Variants in IPO5 observed in about 807,000 individuals in gnomAD.
The protein encoded by IPO5 is importin 5.
In IPO5, 18 loss-of-function variants were observed where a neutral mutation model predicts 143.3. The observed-to-expected ratio is 0.13, with a 90% confidence interval of 0.09 to 0.19. The LOEUF (loss-of-function observed/expected upper bound fraction) is 0.19. Among genes scored for constraint, IPO5 ranks in the 10% least tolerant of loss-of-function variants. The pLI, the probability that IPO5 is intolerant of heterozygous loss-of-function variation, is 1.00. For synonymous variants in IPO5, 477 were observed against 465.7 expected, an observed-to-expected ratio of 1.02 and a Z score of -0.31; for missense variants, 1,013 against 1,336.9, an observed-to-expected ratio of 0.76 and a Z score of 3.78.
At chr13:97,993,541 A>G (rs1316071626) in intron 11 of IPO5, among the ~76,000 whole-genome samples, 1 of 152,230 alleles carries the variant, frequency 6.6e-6, no homozygotes, top group Non-Finnish European at 1.5e-5. Flanking sequence ...GCGGGGATAT[A>G]TAGATGCACA....
intron 2 of IPO5, among the ~76,000 whole-genome samples, chr13:97,956,505 G>A (rs1884474091): frequency 6.6e-6 from 1 of 152,088 alleles, no homozygotes; most frequent in African/African-American, 2.4e-5. Context: ...TCACCCTTAG[G>A]AAGGTCTTCC....
chr13:97,971,628 A>G (rs1037671421), intron 3 of IPO5, among the ~76,000 whole-genome samples: 3 of 152,158 alleles, frequency 2.0e-5, no homozygotes, highest in African/African-American at 7.2e-5. Flanking sequence ...GCACATGACT[A>G]TGCATCAGCT....
intron 22 of IPO5, among the ~76,000 whole-genome samples, 176 bp downstream of exon 22, chr13:98,014,390 G>C (rs953642916): frequency 1.3e-5 from 2 of 152,078 alleles, no homozygotes; most frequent in African/African-American, 4.8e-5. Context: ...CAATTCTCAT[G>C]CCTCATCCTT....
chr13:97,985,802 C>T (rs1050199662), intron 6 of IPO5, among the ~76,000 whole-genome samples, 189 bp downstream of exon 6: 5 of 151,978 alleles, frequency 3.3e-5, no homozygotes, highest in African/African-American at 1.2e-4. Flanking sequence ...GAAATCCAGT[C>T]ATAGGACTCA....
chr13:98,008,877 A>G lies in IPO5; in HGVS notation c.1800+735A>G, dbSNP rs565776104. Reference sequence around the variant, plus strand: ...AATTGTTGAATTAAATTTTGACTTTACATTGCCACACTGTAATAGTTTAAA... The same window carrying G: ...AATTGTTGAATTAAATTTTGACTTTGCATTGCCACACTGTAATAGTTTAAA... On this transcript the variant is annotated intron_variant, in intron 18 of 28. Coordinates refer to ENST00000651721, the MANE Select transcript of IPO5 (RefSeq NM_002271.6). Among the ~76,000 whole-genome samples the G allele has an allele frequency of 2.0e-5, 3 of 152,354 alleles. No homozygotes were observed. In the South Asian group the frequency reaches 6.2e-4, roughly 32 times the overall value.
chr13:98,017,256 A>G (rs1566570926), intron 25 of IPO5, among the ~76,000 whole-genome samples: 5 of 151,568 alleles, frequency 3.3e-5, no homozygotes, highest in Middle Eastern at 3.4e-3. Context: ...ATATATATAT[A>G]TGTATTTTTT....
intron 12 of IPO5, among the ~76,000 whole-genome samples, chr13:97,999,167 T>G (rs1888549198): frequency 6.6e-6 from 1 of 152,144 alleles, no homozygotes; most frequent in African/African-American, 2.4e-5. Context: ...GCTGAAATTA[T>G]TCTCCTGAAA....
intron 17 of IPO5, 120 bp downstream of exon 17, chr13:98,006,468 A>C: frequency 1.7e-6 from 1 of 591,526 alleles, no homozygotes; most frequent in Middle Eastern, 5.0e-4. Context: ...TCTGCCTCCC[A>C]GGTTCATGCC....
intron 2 of IPO5, among the ~76,000 whole-genome samples, chr13:97,961,109 G>T (rs1884845669): frequency 6.6e-6 from 1 of 152,132 alleles, no homozygotes; most frequent in Admixed American, 6.5e-5. Flanking sequence ...TTTCCTTCAG[G>T]CAGTCTAATG....
At chr13:98,017,530 C>T (rs1282153622) in intron 25 of IPO5, among the ~76,000 whole-genome samples, 1 of 151,966 alleles carries the variant, frequency 6.6e-6, no homozygotes, top group African/African-American at 2.4e-5. Flanking sequence ...CAACTCCTGA[C>T]CTAGTGATCC....
intron 25 of IPO5, 116 bp downstream of exon 25, chr13:98,016,967 T>C (rs1469741566): frequency 1.4e-6 from 1 of 733,718 alleles, no homozygotes; most frequent in Non-Finnish European, 2.1e-6. Flanking sequence ...TTGTTTCCAT[T>C]GTACATCTTT....
rs555086456 is a variant in IPO5, at chr13:98,006,871, T to G, written c.1716+523T>G. ...GTTTGTTTGTTTGGTTTGGTGTTTT[T>G]TTTTTTTTTTTTGAGACCAAGTCTC... is the stretch of plus-strand genomic sequence containing the variant. On this transcript the variant is annotated intron_variant, in intron 17 of 28. Coordinates refer to ENST00000651721, the MANE Select transcript of IPO5 (RefSeq NM_002271.6). Among the ~76,000 whole-genome samples, 24 of 149,290 alleles carry G rather than the reference T, an allele frequency of 1.6e-4. No homozygotes were observed. In the East Asian group the frequency reaches 2.8e-3, roughly 17 times the overall value.
At chr13:98,020,208 C>T (rs1296477730) in intron 27 of IPO5, among the ~76,000 whole-genome samples, 1 of 152,166 alleles carries the variant, frequency 6.6e-6, no homozygotes, top group African/African-American at 2.4e-5. Context: ...CAAACCCAGC[C>T]TAAGGGAATG....
chr13:98,019,037 C>T (rs1201149849), intron 26 of IPO5, among the ~76,000 whole-genome samples: 1 of 151,890 alleles, frequency 6.6e-6, no homozygotes, highest in Non-Finnish European at 1.5e-5. Context: ...CTCACTGCAA[C>T]CTCCGCCTCC....
At chr13:97,981,550 T>C (rs544984663) in intron 4 of IPO5, 129 of 247,394 alleles carry the variant, frequency 5.2e-4, no homozygotes, top group African/African-American at 2.9e-3. Flanking sequence ...AAGCCACGTA[T>C]AGAGGTATGG....
chr13:98,011,023 C>T (rs552426222), intron 20 of IPO5, among the ~76,000 whole-genome samples: 29 of 151,644 alleles, frequency 1.9e-4, no homozygotes, highest in South Asian at 1.0e-3. Flanking sequence ...TCAGGTGATC[C>T]GCCTGCCATG....
intron 9 of IPO5, 28 bp from the exon 10 acceptor site, chr13:97,992,864 C>G: frequency 6.3e-7 from 1 of 1,589,878 alleles, no homozygotes; most frequent in Non-Finnish European, 8.6e-7. Context: ...GAATCTTCAG[C>G]ACCGACTTTC....
chr13:97,965,756 TG>T (rs1885277364), intron 2 of IPO5, among the ~76,000 whole-genome samples: 1 of 22,934 alleles, frequency 4.4e-5, no homozygotes, highest in Non-Finnish European at 7.6e-5. Context: ...TCTAATAGTT[TG>T]TGTGTGTGTG....
At position 98,021,780 on chromosome 13, in the gene IPO5, T is replaced by A. The variant is rs1159910800; in HGVS notation, c.3252T>A (p.Pro1084=). The A allele has an allele frequency of 1.2e-6, 2 of 1,604,636 alleles. No homozygotes were observed. The highest frequency in any genetic ancestry group is 2.7e-5 in the African/African-American group (2 of 74,808). Residue 1084 remains proline, a synonymous_variant, in exon 29 of 29, where the codon CCT becomes CCA. Coordinates refer to ENST00000651721, the MANE Select transcript of IPO5 (RefSeq NM_002271.6). ...LWTECIAQLS[P]EQQAAIQELL... is the part of the protein sequence containing the mutation. The stretch of plus-strand genomic sequence containing the variant: ...CTGAGTGCATAGCACAGCTCAGTCC[T>A]GAGCAGCAGGCCGCCATTCAGGAGC...
Sources: gnomAD v4.1 joint callset for allele counts (sites outside exome capture counted in the v4.1 genomes callset) on GRCh38, gnomAD v4.1.1 for gene constraint, MANE v1.5 for transcripts, NCBI Gene and HGNC (gene_info 2026-07-23, HGNC 2026-07-21) for gene names.